WDR47: variants seen among roughly 807,000 people sequenced by gnomAD.
WDR47 encodes WD repeat-containing protein 47.
Under a neutral mutation model 97.2 loss-of-function variants are expected in WDR47, and 32 were observed. That is an observed-to-expected ratio of 0.33 (90% CI 0.25 to 0.44). The LOEUF (loss-of-function observed/expected upper bound fraction) is 0.44. WDR47 is among the 20% of genes least tolerant of loss of function. The pLI, the probability that WDR47 is intolerant of heterozygous loss-of-function variation, is 1.00. For synonymous variants in WDR47, 375 were observed against 373.5 expected, an observed-to-expected ratio of 1.00 and a Z score of -0.05; for missense variants, 782 against 1,102.3, an observed-to-expected ratio of 0.71 and a Z score of 4.11.
intron 7 of WDR47, among the ~76,000 whole-genome samples, chr1:109,000,686 A>AG: frequency 6.6e-6 from 1 of 151,708 alleles, no homozygotes; most frequent in South Asian, 2.1e-4. Flanking sequence ...AACTCAAAAA[A>AG]GAACAAACAA....
At chr1:108,983,875 T>C (rs1658552776) in intron 10 of WDR47, among the ~76,000 whole-genome samples, 1 of 151,900 alleles carries the variant, frequency 6.6e-6, no homozygotes, top group South Asian at 2.1e-4. Context: ...TGTGCAAGAG[T>C]TCTGTCCAGA....
intron 1 of WDR47, among the ~76,000 whole-genome samples, chr1:109,034,684 C>T (rs1012071396): frequency 1.3e-5 from 2 of 152,090 alleles, no homozygotes; most frequent in Non-Finnish European, 2.9e-5. Flanking sequence ...AATCTAATGC[C>T]TGTTGATCTG....
intron 7 of WDR47, among the ~76,000 whole-genome samples, chr1:108,999,666 C>T (rs375445594): frequency 1.3e-5 from 2 of 151,196 alleles, no homozygotes; most frequent in Non-Finnish European, 2.9e-5. Context: ...AGAGCGAGAC[C>T]CTGTCTCAAA....
At chr1:109,010,587 T>C (rs2101940007) in intron 5 of WDR47, among the ~76,000 whole-genome samples, 1 of 148,584 alleles carries the variant, frequency 6.7e-6, no homozygotes, top group Non-Finnish European at 1.5e-5. Context: ...AATTTTTTTT[T>C]TTTTTTTTTT....
chr1:109,038,245 C>A (rs1239675678), intron 1 of WDR47, among the ~76,000 whole-genome samples: 1 of 152,170 alleles, frequency 6.6e-6, no homozygotes, highest in African/African-American at 2.4e-5. Context: ...AAATTCCTTC[C>A]CTTCAGAGCT....
intron 13 of WDR47, among the ~76,000 whole-genome samples, chr1:108,976,051 C>T (rs563546120): frequency 1.3e-4 from 20 of 152,254 alleles, no homozygotes; most frequent in Non-Finnish European, 2.4e-4. Flanking sequence ...AAATCTCAAA[C>T]TGCAGAGTTT....
intron 3 of WDR47, among the ~76,000 whole-genome samples, chr1:109,014,745 G>A (rs1186417837): frequency 2.0e-5 from 3 of 152,062 alleles, no homozygotes; most frequent in African/African-American, 7.2e-5. Flanking sequence ...CCAATTTAAA[G>A]CTTTTTAACA....
At chr1:108,986,058 G>A (rs1179277598) in intron 10 of WDR47, among the ~76,000 whole-genome samples, 1 of 151,398 alleles carries the variant, frequency 6.6e-6, no homozygotes, top group Admixed American at 6.6e-5. Flanking sequence ...AGTCTTAAGA[G>A]GTGTAAAAGA....
intron 13 of WDR47, among the ~76,000 whole-genome samples, chr1:108,977,999 AAAG>A (rs1188895799): frequency 3.3e-5 from 5 of 151,924 alleles, no homozygotes; most frequent in Admixed American, 2.0e-4. Flanking sequence ...AAAAAAAAAA[AAAG>A]AACTCTTTTT....
chr1:109,038,838 G>A (rs1435072782), intron 1 of WDR47, among the ~76,000 whole-genome samples: 1 of 152,058 alleles, frequency 6.6e-6, no homozygotes, highest in Non-Finnish European at 1.5e-5. Context: ...TTAGTCAAGT[G>A]TGGGGGTATG....
At chr1:109,009,671 A>G (rs1256641779) in intron 5 of WDR47, among the ~76,000 whole-genome samples, 1 of 152,200 alleles carries the variant, frequency 6.6e-6, no homozygotes, top group Non-Finnish European at 1.5e-5. Flanking sequence ...AGATTACATG[A>G]AAATCTATGT....
intron 5 of WDR47, among the ~76,000 whole-genome samples, chr1:109,008,507 C>T (rs1660794145): frequency 1.3e-5 from 2 of 152,172 alleles, no homozygotes; most frequent in African/African-American, 4.8e-5. Flanking sequence ...AGGTGATCCA[C>T]CCACCTCGGC....
At chr1:109,039,618 A>G (rs752097406) in intron 1 of WDR47, among the ~76,000 whole-genome samples, 1 of 152,086 alleles carries the variant, frequency 6.6e-6, no homozygotes, top group Non-Finnish European at 1.5e-5. Flanking sequence ...CAACATAGAG[A>G]AAAATTAGTT....
chr1:108,999,012 G>A (rs924940347), intron 7 of WDR47, among the ~76,000 whole-genome samples: 4 of 152,084 alleles, frequency 2.6e-5, no homozygotes, highest in African/African-American at 7.2e-5. Context: ...GATCACCTGA[G>A]GTCAGGAGTT....
At position 108,992,770 on chromosome 1, in the gene WDR47, G is replaced by A; in HGVS notation, c.1692-1441C>T. 3.1e-6 allele frequency: 5 copies of A among 1,596,936 alleles called. No individual in the cohort carries two copies. In the South Asian group the frequency reaches 3.3e-5, roughly 11 times the overall value. On this transcript the variant is annotated intron_variant, in intron 8 of 14. Coordinates refer to ENST00000369962, the MANE Select transcript of WDR47 (RefSeq NM_001142551.2). ...AGATTGTTCCTAAACCAGAAGAGGA[G>A]GTTGCCCAGAAGAAAAGGATATCCC... is the stretch of plus-strand genomic sequence containing the variant.
In WDR47 at chr1:109,011,299, C is replaced by T. The variant is rs969247332; in HGVS notation, c.747G>A (p.Gln249=). 1 of 1,614,176 alleles carries T rather than the reference C, an allele frequency of 6.2e-7. No homozygotes were observed. The highest frequency in any genetic ancestry group is 1.3e-5 in the African/African-American group (1 of 75,058). The part of the protein sequence containing the change: ...DLDLSLLSWL[Q]NLPSSVFSCA... ...AAGAGAAGACAGAAGATGGAAGATT[C>T]TGAAGCCATGACAGTAAACTCAGAT... Residue 249 remains glutamine, a synonymous_variant, in exon 5 of 15, where the codon CAG becomes CAA. Coordinates refer to ENST00000369962, the MANE Select transcript of WDR47 (RefSeq NM_001142551.2).
chr1:108,999,220 T>A (rs1659980363), intron 7 of WDR47, among the ~76,000 whole-genome samples: 1 of 146,204 alleles, frequency 6.8e-6, no homozygotes. Context: ...AGAGCAAGAC[T>A]CTGTCCCCAA....
chr1:109,010,831 C>G, intron 5 of WDR47, 85 bp downstream of exon 5: 1 of 1,334,274 alleles, frequency 7.5e-7, no homozygotes, highest in Non-Finnish European at 1.0e-6. Context: ...ATCCACCCAC[C>G]TCGGCCTCCC....
intron 8 of WDR47, chr1:108,992,289 G>A (rs1333961353): frequency 7.1e-6 from 6 of 842,152 alleles, no homozygotes; most frequent in Middle Eastern, 3.4e-4. Flanking sequence ...AAAATGGTTC[G>A]CTATTCACTT....
Sources: allele counts gnomAD v4.1 joint callset (sites outside exome capture counted in the v4.1 genomes callset), GRCh38; gene constraint gnomAD v4.1.1; transcripts MANE v1.5; gene names NCBI Gene and HGNC (gene_info 2026-07-23, HGNC 2026-07-21).